EPHA7: variants seen among roughly 807,000 people sequenced by gnomAD.
The protein encoded by EPHA7 is ephrin type-A receptor 7.
EPHA7 carries 25 observed loss-of-function variants against 112.6 expected under a neutral mutation model. The ratio of observed to expected loss-of-function variants is 0.22; its 90% CI spans 0.16 to 0.31. The LOEUF is 0.31. EPHA7 is among the 10% of genes least tolerant of loss of function. The pLI, the probability that EPHA7 is intolerant of heterozygous loss-of-function variation, is 1.00. For synonymous variants in EPHA7, 437 were observed against 406.5 expected, an observed-to-expected ratio of 1.07 and a Z score of -0.90; for missense variants, 962 against 1,212.6, an observed-to-expected ratio of 0.79 and a Z score of 3.07.
intron 3 of EPHA7, among the ~76,000 whole-genome samples, chr6:93,391,750 A>T (rs1777918760): frequency 6.6e-6 from 1 of 151,906 alleles, no homozygotes; most frequent in Non-Finnish European, 1.5e-5. Context: ...GAAGCTGGTT[A>T]ATTAGTTACC....
rs2127845640 is a variant in EPHA7, at chr6:93,245,447, T to C, written c.2733A>G (p.Ile911Met). 1.9e-6 allele frequency: 3 copies of C among 1,609,232 alleles called. No homozygotes were observed. The highest frequency in any genetic ancestry group is 2.5e-6 in the Non-Finnish European group (3 of 1,178,806). Reference protein sequence around the residue: ...KTPLGTCSRPISPLLDQNTPD... With the variant: ...KTPLGTCSRPMSPLLDQNTPD... ...GAGTGTTTTGATCCAGAAGAGGGCT[T>C]ATTGGCCTAGATAAAAATGAAACAG... is the stretch of plus-strand genomic sequence containing the variant. The change falls in exon 16 of 17, where the codon ATA becomes ATG. Residue 911 changes from isoleucine to methionine, a missense_variant. Transcript: ENST00000369303.
At chr6:93,252,824 G>A (rs1392899176) in intron 14 of EPHA7, among the ~76,000 whole-genome samples, 1 of 151,822 alleles carries the variant, frequency 6.6e-6, no homozygotes, top group East Asian at 1.9e-4. Context: ...TAAAGAATGT[G>A]CCAAATATTT....
At chr6:93,353,026 T>G (rs1166161884) in intron 5 of EPHA7, among the ~76,000 whole-genome samples, 2 of 152,006 alleles carry the variant, frequency 1.3e-5, no homozygotes, top group Non-Finnish European at 2.9e-5. Context: ...TCTATACAAC[T>G]AATTCCCATG....
intron 5 of EPHA7, among the ~76,000 whole-genome samples, chr6:93,317,158 G>C (rs1259594233): frequency 6.6e-6 from 1 of 152,108 alleles, no homozygotes; most frequent in Non-Finnish European, 1.5e-5. Flanking sequence ...TTATTCTCTA[G>C]TGTGTAAGTG....
intron 13 of EPHA7, among the ~76,000 whole-genome samples, chr6:93,255,553 C>T (rs1770403757): frequency 6.6e-6 from 1 of 151,912 alleles, no homozygotes; most frequent in Admixed American, 6.6e-5. Context: ...AATATGAGTG[C>T]TAGTAGCTAG....
chr6:93,319,237 G>T (rs896393148), intron 5 of EPHA7, among the ~76,000 whole-genome samples: 1 of 152,070 alleles, frequency 6.6e-6, no homozygotes, highest in African/African-American at 2.4e-5. Flanking sequence ...AAAATGTTAA[G>T]AAGTTACAAG....
intron 5 of EPHA7, among the ~76,000 whole-genome samples, chr6:93,292,169 C>T (rs951837819): frequency 6.6e-6 from 1 of 152,152 alleles, no homozygotes; most frequent in Non-Finnish European, 1.5e-5. Flanking sequence ...ACAATCCCAG[C>T]TCTGTCACTT....
chr6:93,327,059 G>A (rs909906322), intron 5 of EPHA7, among the ~76,000 whole-genome samples: 1 of 151,542 alleles, frequency 6.6e-6, no homozygotes, highest in Middle Eastern at 3.2e-3. Context: ...CCAGTTGGAA[G>A]TGGCATGTGC....
At chr6:93,385,030 T>C (rs1303958175) in intron 3 of EPHA7, among the ~76,000 whole-genome samples, 1 of 152,170 alleles carries the variant, frequency 6.6e-6, no homozygotes, top group African/African-American at 2.4e-5. Flanking sequence ...ATTATAGCAA[T>C]GTATGCACTT....
chr6:93,397,975 T>C (rs1778262509), intron 3 of EPHA7, among the ~76,000 whole-genome samples: 1 of 151,918 alleles, frequency 6.6e-6, no homozygotes, highest in African/African-American at 2.4e-5. Flanking sequence ...GGTTCCTGAA[T>C]ATGTATGTTC....
intron 5 of EPHA7, among the ~76,000 whole-genome samples, chr6:93,352,342 TAGTCTC>T (rs1379289692): frequency 6.6e-6 from 1 of 152,112 alleles, no homozygotes; most frequent in Non-Finnish European, 1.5e-5. Context: ...CTACGATACT[TAGTCTC>T]AGGAAGGAAG....
intron 5 of EPHA7, among the ~76,000 whole-genome samples, chr6:93,286,207 C>T (rs1772055430): frequency 6.6e-6 from 1 of 152,058 alleles, no homozygotes; most frequent in South Asian, 2.1e-4. Context: ...TACAGATGGG[C>T]ATCTATGTTT....
At chr6:93,345,281 A>C (rs1413389662) in intron 5 of EPHA7, among the ~76,000 whole-genome samples, 1 of 151,726 alleles carries the variant, frequency 6.6e-6, no homozygotes, top group Non-Finnish European at 1.5e-5. Context: ...CTATATGCTG[A>C]AGTTAATGAC....
intron 5 of EPHA7, among the ~76,000 whole-genome samples, chr6:93,327,417 A>G (rs374480167): frequency 6.6e-6 from 1 of 151,396 alleles, no homozygotes; most frequent in African/African-American, 2.4e-5. Context: ...CATTTAGTTC[A>G]TGACTTTAAA....
At position 93,311,114 on chromosome 6, in the gene EPHA7, A is replaced by ATTTTTTTTTTTTTTTTTTTTTTT. The variant is rs71542009; in HGVS notation, c.1325-38715_1325-38693dup. ...ACAGGCATGTGCATCATGCCCAGCTATTTTTTTTTTTTTTTTTTTTTTTTT... is the reference window on the plus strand; with the variant it reads ...ACAGGCATGTGCATCATGCCCAGCTATTTTTTTTTTTTTTTTTTTTTTTTTTTTTTTTTTTTTTTTTTTTTTTT... On this transcript the variant is annotated intron_variant, in intron 5 of 16. Coordinates refer to ENST00000369303, the MANE Select transcript of EPHA7 (RefSeq NM_004440.4). Among the ~76,000 whole-genome samples, 23 of 78,510 alleles carry ATTTTTTTTTTTTTTTTTTTTTTT rather than the reference A, an allele frequency of 2.9e-4. 3 individuals carry two copies. Among genetic ancestry groups the ATTTTTTTTTTTTTTTTTTTTTTT allele is most frequent in the African/African-American group, 5.3e-4 (9 of 17,022 alleles). 51.5% of individuals were successfully genotyped at this position (78,510 alleles called of 152,430 possible). A position where few individuals can be genotyped will look rare whatever the true frequency, so the allele number is the denominator to read the frequency against.
intron 14 of EPHA7, among the ~76,000 whole-genome samples, 196 bp downstream of exon 14, chr6:93,254,451 A>T (rs544103109): frequency 2.0e-5 from 3 of 152,290 alleles, no homozygotes; most frequent in East Asian, 3.9e-4. Flanking sequence ...AGAGAAAGTG[A>T]TTATTCAAAA....
chr6:93,304,281 A>C (rs1272142320), intron 5 of EPHA7, among the ~76,000 whole-genome samples: 2 of 151,818 alleles, frequency 1.3e-5, no homozygotes, highest in Non-Finnish European at 2.9e-5. Flanking sequence ...GATGAACTTG[A>C]TTATTTGTGA....
At chr6:93,263,555 CTTT>C in intron 9 of EPHA7, among the ~76,000 whole-genome samples, 1 of 151,300 alleles carries the variant, frequency 6.6e-6, no homozygotes, top group East Asian at 1.9e-4. Context: ...CACATGCAAC[CTTT>C]AATGTATTAT....
intron 5 of EPHA7, among the ~76,000 whole-genome samples, chr6:93,308,601 A>G (rs999137232): frequency 2.0e-5 from 3 of 152,132 alleles, no homozygotes; most frequent in Non-Finnish European, 4.4e-5. Flanking sequence ...GATATATTTG[A>G]AATTTATTTG....
Sources: allele counts gnomAD v4.1 joint callset (sites outside exome capture counted in the v4.1 genomes callset), GRCh38; gene constraint gnomAD v4.1.1; transcripts MANE v1.5; gene names NCBI Gene and HGNC (gene_info 2026-07-23, HGNC 2026-07-21).